Variants in NFATC1 observed in about 807,000 individuals in gnomAD.
NFATC1 encodes nuclear factor of activated T cells 1.
Under a neutral mutation model 76.0 loss-of-function variants are expected in NFATC1, and 22 were observed. The ratio of observed to expected loss-of-function variants is 0.29; its 90% CI spans 0.21 to 0.41. The LOEUF (loss-of-function observed/expected upper bound fraction) is 0.41, where lower values mean the gene tolerates loss of function less well. Among genes scored for constraint, NFATC1 ranks in the 10% least tolerant of loss-of-function variants. The probability of loss-of-function intolerance (pLI) is 1.00; values close to 1 mark genes in which losing one functional copy is unlikely to be tolerated. For synonymous variants in NFATC1, 704 were observed against 613.1 expected (o/e 1.15, Z -2.19); for missense variants, 1,357 against 1,337.7 (o/e 1.01, Z -0.23).
At chr18:79,438,431 T>C (rs2086857599) in intron 3 of NFATC1, among the ~76,000 whole-genome samples, 1 of 152,174 alleles carries the variant, frequency 6.6e-6, no homozygotes, top group South Asian at 2.1e-4. Flanking sequence ...CACGTGGACC[T>C]CTGTGGGATA....
intron 2 of NFATC1, among the ~76,000 whole-genome samples, chr18:79,427,892 C>CTGTGCGGTG (rs2086447397): frequency 6.3e-4 from 3 of 4,754 alleles, no homozygotes; most frequent in African/African-American, 1.9e-3. Flanking sequence ...TGCAGTGAGT[C>CTGTGCGGTG]GGGGAGGGGG....
chr18:79,437,955 C>G (rs555174687), intron 3 of NFATC1, among the ~76,000 whole-genome samples: 1 of 152,360 alleles, frequency 6.6e-6, no homozygotes, highest in East Asian at 1.9e-4. Context: ...CCTTCTCTGG[C>G]CAGGGAGGGT....
intron 9 of NFATC1, among the ~76,000 whole-genome samples, chr18:79,519,892 G>A (rs534409170): frequency 7.9e-5 from 12 of 152,190 alleles, no homozygotes; most frequent in South Asian, 4.1e-4. Flanking sequence ...AAGCACAGAC[G>A]TGCTCGCTGT....
intron 9 of NFATC1, among the ~76,000 whole-genome samples, chr18:79,487,350 A>G (rs1025175993): frequency 3.3e-5 from 5 of 152,148 alleles, no homozygotes; most frequent in African/African-American, 1.2e-4. Context: ...AGTCCCGTGA[A>G]TGGTTTGTAG....
At chr18:79,482,849 T>A (rs2089339698) in intron 8 of NFATC1, among the ~76,000 whole-genome samples, 1 of 116,406 alleles carries the variant, frequency 8.6e-6, no homozygotes, top group Admixed American at 9.3e-5. Context: ...CGTGACCTGG[T>A]CCTGGGGTGT....
chr18:79,409,128 C>T lies in NFATC1; in HGVS notation c.128-1275C>T, dbSNP rs1910159021. Among the ~76,000 whole-genome samples, 2 of 76,656 alleles carry T rather than the reference C, an allele frequency of 2.6e-5. 1 individual carries two copies. The highest frequency in any genetic ancestry group is 1.3e-3 in the South Asian group (2 of 1,576). 50.3% of individuals were successfully genotyped at this position (76,656 alleles called of 152,430 possible). Reference sequence around the variant, plus strand: ...ATCCATCCATCAAACCATTATTCCTCCATTCCCTATCCATCCATCCGTCAT... The same window carrying T: ...ATCCATCCATCAAACCATTATTCCTTCATTCCCTATCCATCCATCCGTCAT... On this transcript the variant is annotated intron_variant, in intron 1 of 9. Transcript: ENST00000427363.
chr18:79,473,244 G>A (rs755908612), intron 8 of NFATC1, among the ~76,000 whole-genome samples: 11 of 152,276 alleles, frequency 7.2e-5, no homozygotes, highest in Non-Finnish European at 1.5e-4. Flanking sequence ...GTGAACAGCG[G>A]CCTGTGGGCC....
chr18:79,405,840 C>G (rs1312875210), intron 1 of NFATC1, among the ~76,000 whole-genome samples: 7 of 152,156 alleles, frequency 4.6e-5, no homozygotes, highest in Non-Finnish European at 1.0e-4. Context: ...TAAATAAAGG[C>G]CCTCGGGTGC....
At chr18:79,461,879 G>A (rs923613569) in intron 7 of NFATC1, among the ~76,000 whole-genome samples, 1 of 152,200 alleles carries the variant, frequency 6.6e-6, no homozygotes, top group Non-Finnish European at 1.5e-5. Flanking sequence ...CACTGATTGC[G>A]CCGACCTCCC....
chr18:79,520,530 G>T (rs942587748), intron 9 of NFATC1, among the ~76,000 whole-genome samples: 8 of 150,014 alleles, frequency 5.3e-5, no homozygotes, highest in African/African-American at 2.0e-4. Flanking sequence ...GACTCTGTGT[G>T]TGGGGGGGGG....
At chr18:79,489,207 A>C (rs1280060769) in intron 9 of NFATC1, among the ~76,000 whole-genome samples, 1 of 152,192 alleles carries the variant, frequency 6.6e-6, no homozygotes, top group Admixed American at 6.5e-5. Flanking sequence ...CTGAGTGCAC[A>C]GGCTAGGGAT....
At chr18:79,432,110 G>A (rs1385071975) in intron 2 of NFATC1, among the ~76,000 whole-genome samples, 5 of 152,238 alleles carry the variant, frequency 3.3e-5, no homozygotes, top group Non-Finnish European at 7.3e-5. Flanking sequence ...CCTGCTCTGC[G>A]ACTGCATCGC....
At chr18:79,515,338 CAAAAAA>C (rs75194540) in intron 9 of NFATC1, among the ~76,000 whole-genome samples, 1 of 63,494 alleles carries the variant, frequency 1.6e-5, no homozygotes, top group Non-Finnish European at 3.5e-5. Flanking sequence ...GACTCCATCT[CAAAAAA>C]AAAAAAAAAA....
intron 8 of NFATC1, among the ~76,000 whole-genome samples, chr18:79,473,188 C>T (rs2088856663): frequency 6.6e-6 from 1 of 152,382 alleles, no homozygotes; most frequent in South Asian, 2.1e-4. Context: ...TTCTGGGAGC[C>T]CAGCTGCCGA....
chr18:79,471,201 A>G (rs1217472318), intron 8 of NFATC1, among the ~76,000 whole-genome samples: 1 of 152,174 alleles, frequency 6.6e-6, no homozygotes, highest in Non-Finnish European at 1.5e-5. Flanking sequence ...GGTGCCAGGA[A>G]GGTTGGCAGT....
chr18:79,484,083 C>T (rs374625), intron 8 of NFATC1, among the ~76,000 whole-genome samples: 63,034 of 151,678 alleles, frequency 0.42, 14,568 homozygotes, highest in Middle Eastern at 0.65. Context: ...TCCAGTGTGA[C>T]CTCGGCGGCA....
intron 3 of NFATC1, among the ~76,000 whole-genome samples, chr18:79,445,761 C>T (rs1465752641): frequency 6.6e-6 from 1 of 152,204 alleles, no homozygotes; most frequent in African/African-American, 2.4e-5. Flanking sequence ...GACTCCAGGT[C>T]GCCTTGGCTC....
chr18:79,421,449 T>C (rs112705562), intron 2 of NFATC1: 3,395 of 152,492 alleles, frequency 0.022, 117 homozygotes, highest in African/African-American at 0.076. Flanking sequence ...GAGCCCTGGC[T>C]GCAAGGGGCG....
At chr18:79,489,827 C>T (rs2089625427) in intron 9 of NFATC1, among the ~76,000 whole-genome samples, 2 of 152,240 alleles carry the variant, frequency 1.3e-5, no homozygotes, top group Non-Finnish European at 2.9e-5. Flanking sequence ...GTCCTGTGTG[C>T]TTCTGCCTCC....
Sources: allele counts gnomAD v4.1 joint callset (sites outside exome capture counted in the v4.1 genomes callset), GRCh38; gene constraint gnomAD v4.1.1; transcripts MANE v1.5; gene names NCBI Gene and HGNC (gene_info 2026-07-23, HGNC 2026-07-21).